DENND1A: variants seen among roughly 807,000 people sequenced by gnomAD.
DENND1A encodes DENN domain containing 1A.
DENND1A carries 51 observed loss-of-function variants against 113.7 expected under a neutral mutation model. That is an observed-to-expected ratio of 0.45 (90% CI 0.36 to 0.57). The LOEUF is 0.57. DENND1A is among the 20% of genes least tolerant of loss of function. The pLI, the probability that DENND1A is intolerant of heterozygous loss-of-function variation, is 0.00. For synonymous variants in DENND1A, 565 were observed against 570.8 expected, an observed-to-expected ratio of 0.99 and a Z score of 0.14; for missense variants, 1,258 against 1,395.9, an observed-to-expected ratio of 0.90 and a Z score of 1.57.
chr9:123,730,711 A>T (rs1237230153), intron 5 of DENND1A, among the ~76,000 whole-genome samples: 1 of 152,206 alleles, frequency 6.6e-6, no homozygotes, highest in Admixed American at 6.5e-5. Context: ...TTCCTCAAGG[A>T]TCTAGAACCA....
At chr9:123,406,323 G>A (rs1348384083) in intron 20 of DENND1A, among the ~76,000 whole-genome samples, 1 of 152,252 alleles carries the variant, frequency 6.6e-6, no homozygotes, top group Non-Finnish European at 1.5e-5. Context: ...GGGTGATTGT[G>A]AAGCCCGGAT....
intron 20 of DENND1A, among the ~76,000 whole-genome samples, chr9:123,406,429 A>C (rs369515668): frequency 5.9e-5 from 9 of 152,342 alleles, no homozygotes; most frequent in African/African-American, 2.2e-4. Context: ...TCTTGTCAAC[A>C]ACAAAAGGAA....
chr9:123,412,601 A>G (rs779758596), intron 19 of DENND1A, among the ~76,000 whole-genome samples: 7 of 152,226 alleles, frequency 4.6e-5, no homozygotes, highest in Non-Finnish European at 8.8e-5. Flanking sequence ...TGAAATCAGG[A>G]TTTGAATCAA....
intron 19 of DENND1A, among the ~76,000 whole-genome samples, chr9:123,424,547 C>A (rs2045566370): frequency 6.6e-6 from 1 of 152,216 alleles, no homozygotes; most frequent in Non-Finnish European, 1.5e-5. Flanking sequence ...CCATCCCCTT[C>A]CACAGTGGCC....
chr9:123,769,658 AAG>A (rs1829409960), intron 3 of DENND1A, 95 bp from the exon 4 acceptor site: 2 of 1,025,294 alleles, frequency 2.0e-6, no homozygotes, highest in South Asian at 1.9e-5. Flanking sequence ...ACCCTAAAGA[AAG>A]AGGAGACAGA....
At chr9:123,768,157 A>G in intron 4 of DENND1A, among the ~76,000 whole-genome samples, 1 of 152,152 alleles carries the variant, frequency 6.6e-6, no homozygotes, top group East Asian at 1.9e-4. Flanking sequence ...TTGAGCATCA[A>G]CCTGCTACTG....
intron 2 of DENND1A, among the ~76,000 whole-genome samples, chr9:123,829,897 C>T (rs1839930265): frequency 6.6e-6 from 1 of 152,044 alleles, no homozygotes; most frequent in Non-Finnish European, 1.5e-5. Context: ...AATCTAAAGA[C>T]AATGCAAGAA....
intron 9 of DENND1A, among the ~76,000 whole-genome samples, chr9:123,634,609 A>G (rs1238719793): frequency 6.6e-6 from 1 of 152,262 alleles, no homozygotes; most frequent in African/African-American, 2.4e-5. Context: ...TTTGGAGTGT[A>G]GTCAACAAAG....
chr9:123,626,039 G>A (rs1185632795), intron 10 of DENND1A, among the ~76,000 whole-genome samples: 1 of 151,884 alleles, frequency 6.6e-6, no homozygotes, highest in East Asian at 1.9e-4. Context: ...CTACAATTGT[G>A]TGCCACTATG....
intron 18 of DENND1A, among the ~76,000 whole-genome samples, chr9:123,450,460 T>C (rs1474585494): frequency 1.3e-5 from 2 of 152,236 alleles, no homozygotes; most frequent in Non-Finnish European, 2.9e-5. Context: ...CAGTGGCAAC[T>C]CTGAACTTGC....
At chr9:123,577,903 T>A (rs532495070) in intron 12 of DENND1A, among the ~76,000 whole-genome samples, 1 of 152,302 alleles carries the variant, frequency 6.6e-6, no homozygotes, top group Non-Finnish European at 1.5e-5. Context: ...AGATGTACTA[T>A]CAAGTCATGC....
intron 8 of DENND1A, among the ~76,000 whole-genome samples, chr9:123,657,128 C>T (rs1473164621): frequency 6.6e-6 from 1 of 152,164 alleles, no homozygotes; most frequent in African/African-American, 2.4e-5. Flanking sequence ...AAGCCTGCAA[C>T]GCACAAGCTC....
intron 5 of DENND1A, among the ~76,000 whole-genome samples, chr9:123,714,925 TA>T (rs2066874703): frequency 6.6e-6 from 1 of 152,156 alleles, no homozygotes; most frequent in South Asian, 2.1e-4. Flanking sequence ...CTCATGCCTG[TA>T]ATCCCAGCAC....
chr9:123,910,132 T>C (rs546037206), intron 1 of DENND1A, among the ~76,000 whole-genome samples: 1 of 152,322 alleles, frequency 6.6e-6, no homozygotes, highest in Non-Finnish European at 1.5e-5. Flanking sequence ...TCCATCAAAA[T>C]TGTGGAATTT....
chr9:123,784,435 G>A (rs906066001), intron 3 of DENND1A, among the ~76,000 whole-genome samples: 1 of 152,182 alleles, frequency 6.6e-6, no homozygotes, highest in Non-Finnish European at 1.5e-5. Context: ...GAATAGGACA[G>A]ACTAGAGAGC....
intron 1 of DENND1A, among the ~76,000 whole-genome samples, chr9:123,904,869 A>T (rs1852455681): frequency 6.6e-6 from 1 of 152,082 alleles, no homozygotes; most frequent in African/African-American, 2.4e-5. Flanking sequence ...CCACACAGAT[A>T]CTCCTTGAGA....
At chr9:123,555,144 G>T (rs749788125) in intron 13 of DENND1A, among the ~76,000 whole-genome samples, 1 of 152,096 alleles carries the variant, frequency 6.6e-6, no homozygotes, top group Non-Finnish European at 1.5e-5. Context: ...TTGATCTATT[G>T]CGGAGTCTTG....
At chr9:123,736,837 G>A (rs1389864647) in intron 5 of DENND1A, among the ~76,000 whole-genome samples, 4 of 152,156 alleles carry the variant, frequency 2.6e-5, no homozygotes, top group East Asian at 1.9e-4. Context: ...CAGGTCAGAC[G>A]TCTTGCCCAA....
chr9:123,613,183 G>A, intron 10 of DENND1A, among the ~76,000 whole-genome samples: 1 of 152,036 alleles, frequency 6.6e-6, no homozygotes, highest in East Asian at 1.9e-4. Flanking sequence ...TCGTCAGGAG[G>A]GTGCCTTTCC....
Sources: allele counts gnomAD v4.1 joint callset (sites outside exome capture counted in the v4.1 genomes callset), GRCh38; gene constraint gnomAD v4.1.1; transcripts MANE v1.5; gene names NCBI Gene and HGNC (gene_info 2026-07-23, HGNC 2026-07-21).